The following SPTB variants were observed in gnomAD, a reference collection of about 807,000 sequenced individuals.
The protein encoded by SPTB is spectrin beta, erythrocytic.
SPTB carries 45 observed loss-of-function variants against 256.2 expected under a neutral mutation model. The ratio of observed to expected loss-of-function variants is 0.18; its 90% CI spans 0.14 to 0.23. The LOEUF (loss-of-function observed/expected upper bound fraction) is 0.23, where lower values mean the gene tolerates loss of function less well. Ranked by LOEUF, SPTB falls within the 10% of genes least tolerant of loss-of-function variation. SPTB has a pLI of 1.00. For synonymous variants in SPTB, 1,231 were observed against 1,243.1 expected (o/e 0.99, Z 0.21); for missense variants, 2,715 against 3,040.4 (o/e 0.89, Z 2.52).
chr14:64,849,915 A>C (rs1334316895), intron 1 of SPTB, among the ~76,000 whole-genome samples: 3 of 152,300 alleles, frequency 2.0e-5, no homozygotes, highest in South Asian at 4.1e-4. Context: ...GACAAAGTTC[A>C]ACATATCCTG....
Position 64,772,709 on chromosome 14 carries a change from C to T in SPTB, c.5424G>A (p.Glu1808=), listed in dbSNP as rs752232110. 6.2e-7 allele frequency: 1 copy of T among 1,613,916 alleles called. No individual in the cohort carries two copies. Among genetic ancestry groups the T allele is most frequent in the Non-Finnish European group, 8.5e-7 (1 of 1,180,006 alleles). Residue 1808 remains glutamate (E), a synonymous_variant, in exon 26 of 36, where the codon GAG becomes GAA. Transcript: ENST00000644917. The surrounding 1 kb of genome is among the most constrained non-coding windows in gnomAD (Gnocchi z 5.4). ...GCTTCTCGTCGATGAGGCCCAGGAT[C>T]TCGGCACCCGTGTAGAAGTAGCGGT... The part of the protein sequence containing the change: ...DLHRYFYTGA[E]ILGLIDEKHR...
intron 1 of SPTB, among the ~76,000 whole-genome samples, chr14:64,867,063 C>T (rs1028085537): frequency 1.2e-4 from 18 of 152,040 alleles, no homozygotes; most frequent in African/African-American, 4.1e-4. Flanking sequence ...ACATATCTGA[C>T]GATGTAAGTT....
In SPTB at chr14:64,800,766, C is replaced by T; in HGVS notation, c.866G>A (p.Arg289His). 1.2e-6 allele frequency: 2 copies of T among 1,614,084 alleles called. No homozygotes were observed. The highest frequency in any genetic ancestry group is 1.7e-6 in the Non-Finnish European group (2 of 1,179,920). Residue 289 changes from arginine (R) to histidine (H), a missense_variant, in exon 8 of 36, where the codon CGT (arginine) becomes CAT (histidine). Coordinates refer to ENST00000644917, the MANE Select transcript of SPTB (RefSeq NM_001355436.2). ...CAAAACAGCTTGTACCTTGCCGACACGCTTGCCCTCCACTGCCAGCACCTT... is the reference window on the plus strand; with the variant it reads ...CAAAACAGCTTGTACCTTGCCGACATGCTTGCCCTCCACTGCCAGCACCTT... ...KMKVLAVEGK[R>H]VGKVIDHAIE...
At chr14:64,774,077 A>C (rs1383624789) in intron 24 of SPTB, among the ~76,000 whole-genome samples, 2 of 152,116 alleles carry the variant, frequency 1.3e-5, no homozygotes, top group African/African-American at 4.8e-5. Flanking sequence ...ATAAAAGCTA[A>C]AGTAGTCTTC....
In SPTB at chr14:64,793,204, G is replaced by A. The variant is rs368515091; in HGVS notation, c.2459C>T (p.Thr820Ile). The change falls in exon 14 of 36, where the codon ACC (threonine) becomes ATC (isoleucine). Residue 820 changes from threonine (T) to isoleucine (I), a missense_variant. Physicochemically the swap from Thr to Ile is moderately conservative, Grantham distance 89 (BLOSUM62 -1). Coordinates refer to ENST00000644917, the MANE Select transcript of SPTB (RefSeq NM_001355436.2). The surrounding 1 kb of genome is among the most constrained non-coding windows in gnomAD (Gnocchi z 7.0). ...CTCCCGCAGGGCCTGCAGCCGATGG[G>A]TCACATCTGGGGAATCCCGAAACTC... ...PEEFRDSPDV[T>I]HRLQALRELY... 6.2e-7 allele frequency: 1 copy of A among 1,612,464 alleles called. No individual in the cohort carries two copies. Among genetic ancestry groups the A allele is most frequent in the African/African-American group, 1.3e-5 (1 of 74,944 alleles).
Position 64,764,985 on chromosome 14 carries a change from G to A in SPTB, c.6345+1741C>T, listed in dbSNP as rs116093571. ...GGTGGGCTGGTGCAGCTAGGAAAGG[G>A]AGGCCTCTGGCCAGGCTGGAGGCCA... On this transcript the variant is annotated intron_variant, in intron 32 of 35. Transcript: ENST00000644917. This position sits in a 1 kb window ranked among gnomAD's most constrained non-coding sequence, Gnocchi z 4.2. Among the ~76,000 whole-genome samples, 844 of 150,932 alleles carry A rather than the reference G, an allele frequency of 5.6e-3. 7 individuals are homozygous for A. Among genetic ancestry groups the A allele is most frequent in the African/African-American group, 0.02 (815 of 41,106 alleles).
Position 64,767,369 on chromosome 14 carries a change from C to T in SPTB, c.6220-17G>A. On this transcript the variant is annotated splice_polypyrimidine_tract_variant and intron_variant, in intron 30 of 35. Coordinates refer to ENST00000644917, the MANE Select transcript of SPTB (RefSeq NM_001355436.2). ...CAGCTCAAGCTAGAGGAGGAGAAGG[C>T]CCAGGGGTCAGAGCAGCCACAGAGG... 1 of 1,613,908 alleles carries T rather than the reference C, an allele frequency of 6.2e-7. No individual in the cohort carries two copies. The highest frequency in any genetic ancestry group is 8.5e-7 in the Non-Finnish European group (1 of 1,180,004).
At chr14:64,753,409 G>T (rs762155676) in intron 33 of SPTB, 128 bp downstream of exon 33, 3 of 1,423,356 alleles carry the variant, frequency 2.1e-6, no homozygotes, top group Non-Finnish European at 2.9e-6. Context: ...GTGTCTAGGA[G>T]CTCTCACAGG....
At chr14:64,871,721 A>G (rs1173015848) in intron 1 of SPTB, among the ~76,000 whole-genome samples, 1 of 152,218 alleles carries the variant, frequency 6.6e-6, no homozygotes, top group East Asian at 1.9e-4. Flanking sequence ...TGACAGTGGT[A>G]CCTTCTTAGA....
intron 1 of SPTB, among the ~76,000 whole-genome samples, chr14:64,846,077 T>C (rs1176705617): frequency 2.0e-5 from 3 of 152,204 alleles, no homozygotes; most frequent in African/African-American, 7.2e-5. Context: ...ATCACCCCTG[T>C]GATCAGGATG....
intron 30 of SPTB, 74 bp downstream of exon 30, chr14:64,767,589 T>C (rs888263654): frequency 1.5e-5 from 24 of 1,573,702 alleles, no homozygotes; most frequent in Non-Finnish European, 2.0e-5. Context: ...ACAACTGGCC[T>C]GGAGTCCTTA....
chr14:64,879,871 G>T lies in SPTB; in HGVS notation c.-131C>A. Reference sequence around the variant, plus strand: ...GGCGCAGGGGGAGGAGGGCAGCGCGGGGCTCCTGGCACAGCGGCCGCCGGG... The same window carrying T: ...GGCGCAGGGGGAGGAGGGCAGCGCGTGGCTCCTGGCACAGCGGCCGCCGGG... On this transcript the variant is annotated 5_prime_UTR_variant, in exon 1 of 36. Transcript: ENST00000644917. The T allele has an allele frequency of 6.5e-6, 1 of 153,954 alleles. No homozygotes were observed. The highest frequency in any genetic ancestry group is 1.8e-4 in the South Asian group (1 of 5,490). 9.5% of individuals were successfully genotyped at this position (153,954 alleles called of 1,614,324 possible). A position where few individuals can be genotyped will look rare whatever the true frequency, so the allele number is the denominator to read the frequency against.
intron 1 of SPTB, among the ~76,000 whole-genome samples, chr14:64,834,555 G>A (rs1004397997): frequency 3.2e-4 from 48 of 151,866 alleles, no homozygotes; most frequent in African/African-American, 1.1e-3. Context: ...CCTCCCAAGC[G>A]TCTGGGACTA....
intron 1 of SPTB, among the ~76,000 whole-genome samples, chr14:64,858,871 G>C (rs10162522): frequency 0.94 from 142,748 of 152,222 alleles, 67,550 homozygotes; most frequent in Non-Finnish European, 0.98. Flanking sequence ...AACAGACTAT[G>C]CACCTCTAGC....
Position 64,749,219 on chromosome 14 carries a change from C to CCGGCGGGCGGCGGCGGGCGG in SPTB, c.*86_*87insCCGCCCGCCGCCGCCCGCCG, listed in dbSNP as rs367706006. On this transcript the variant is annotated 3_prime_UTR_variant, in exon 36 of 36. Coordinates refer to ENST00000644917, the MANE Select transcript of SPTB (RefSeq NM_001355436.2). The surrounding 1 kb of genome is among the most constrained non-coding windows in gnomAD (Gnocchi z 4.7). ...CGCGACTCGACTCATCTCGATTCGA[C>CCGGCGGGCGGCGGCGGGCGG]CGGCGGGCGGCGGCGAGAGGAGGCC... 1 of 1,479,020 alleles carries CCGGCGGGCGGCGGCGGGCGG rather than the reference C, an allele frequency of 6.8e-7. No individual in the cohort carries two copies. Among genetic ancestry groups the CCGGCGGGCGGCGGCGGGCGG allele is most frequent in the African/African-American group, 1.4e-5 (1 of 71,292 alleles). The allele number at this position is 1,479,020 out of a possible 1,614,324, so 91.6% of individuals were successfully genotyped here. A position where few individuals can be genotyped will look rare whatever the true frequency, so the allele number is the denominator to read the frequency against.
rs960081971 is a variant in SPTB, at chr14:64,866,113, A to G, written c.-52+13679T>C. On this transcript the variant is annotated intron_variant, in intron 1 of 35. Coordinates refer to ENST00000644917, the MANE Select transcript of SPTB (RefSeq NM_001355436.2). This position sits in a 1 kb window ranked among gnomAD's most constrained non-coding sequence, Gnocchi z 4.6. ...ATGAAATGAATAAGACTGTTCACTC[A>G]AAGAGCATGCAGTGAGGCCACTAAC... Among the ~76,000 whole-genome samples the G allele has an allele frequency of 2.6e-5, 4 of 152,222 alleles. No homozygotes were observed. The highest frequency in any genetic ancestry group is 9.6e-5 in the African/African-American group (4 of 41,466).
intron 2 of SPTB, among the ~76,000 whole-genome samples, chr14:64,815,246 T>C (rs2083168178): frequency 6.6e-6 from 1 of 151,886 alleles, no homozygotes; most frequent in Non-Finnish European, 1.5e-5. Flanking sequence ...AAGGCTGGTG[T>C]TGGAAGAAAA....
intron 1 of SPTB, among the ~76,000 whole-genome samples, chr14:64,839,280 G>T (rs2083569874): frequency 6.6e-6 from 1 of 152,220 alleles, no homozygotes; most frequent in South Asian, 2.1e-4. Context: ...TGCACAACAT[G>T]AATGTATCAC....
chr14:64,812,500 C>T (rs962325558), intron 2 of SPTB, among the ~76,000 whole-genome samples: 1 of 152,204 alleles, frequency 6.6e-6, no homozygotes, highest in African/African-American at 2.4e-5. Flanking sequence ...CACACAGCTA[C>T]TTCTGAGGTT....
Sources: gnomAD v4.1 joint callset for allele counts (sites outside exome capture counted in the v4.1 genomes callset) on GRCh38, gnomAD v4.1.1 for gene constraint, Gnocchi (gnomAD v3.1) non-coding constraint, MANE v1.5 for transcripts, NCBI Gene and HGNC (gene_info 2026-07-23, HGNC 2026-07-21) for gene names.